The following G3BP2 variants were observed in gnomAD, a reference collection of about 807,000 sequenced individuals.
The protein encoded by G3BP2 is ras GTPase-activating protein-binding protein 2.
In G3BP2, 11 loss-of-function variants were observed where a neutral mutation model predicts 56.7. That is an observed-to-expected ratio of 0.19 (90% CI 0.12 to 0.32). G3BP2 has a LOEUF of 0.32. Among genes scored for constraint, G3BP2 ranks in the 10% least tolerant of loss-of-function variants. G3BP2 has a pLI of 1.00. For missense variants in G3BP2, 340 were observed against 610.9 expected, an observed-to-expected ratio of 0.56 and a Z score of 4.67; for synonymous variants, 165 against 191.6, an observed-to-expected ratio of 0.86 and a Z score of 1.15.
chr4:75,669,404 A>T (rs1733307947), intron 1 of G3BP2, among the ~76,000 whole-genome samples: 4 of 152,182 alleles, frequency 2.6e-5, no homozygotes, highest in Admixed American at 2.6e-4. Flanking sequence ...ACAATTCAGA[A>T]GGTGGAATTT....
chr4:75,697,905 G>C (rs771758616), intron 3 of G3BP2, among the ~76,000 whole-genome samples: 2 of 151,866 alleles, frequency 1.3e-5, no homozygotes, highest in Non-Finnish European at 2.9e-5. Context: ...CTGCACTCCA[G>C]CCTGGGCAAC....
At chr4:75,703,646 G>A (rs956808991) in intron 3 of G3BP2, among the ~76,000 whole-genome samples, 1 of 152,226 alleles carries the variant, frequency 6.6e-6, no homozygotes. Flanking sequence ...GTGAGTTTAA[G>A]ACAATGGATA....
chr4:75,694,816 T>G, intron 3 of G3BP2: 2 of 985,612 alleles, frequency 2.0e-6, no homozygotes, highest in Non-Finnish European at 2.4e-6. Context: ...AGGAAGGATT[T>G]CAGATGGCAC....
intron 5 of G3BP2, 72 bp from the exon 6 acceptor site, chr4:75,655,942 G>T: frequency 1.3e-6 from 1 of 796,114 alleles, no homozygotes; most frequent in Non-Finnish European, 2.1e-6. Flanking sequence ...TTTTTAACAT[G>T]TTTAAGGAAG....
At chr4:75,672,832 A>G (rs1733597862) in intron 1 of G3BP2, 1 of 178,514 alleles carries the variant, frequency 5.6e-6, no homozygotes, top group Non-Finnish European at 1.1e-5. Flanking sequence ...TCCCCTCCAG[A>G]AAGCCTGCTC....
chr4:75,712,597 TA>T (rs1434114934), intron 3 of G3BP2, among the ~76,000 whole-genome samples: 1 of 152,214 alleles, frequency 6.6e-6, no homozygotes, highest in Non-Finnish European at 1.5e-5. Context: ...TGTTTCTTTA[TA>T]AAGCTGAGCA....
At chr4:75,655,900 T>G (rs764977113) in intron 5 of G3BP2, 30 bp from the exon 6 acceptor site, 1 of 1,089,318 alleles carries the variant, frequency 9.2e-7, no homozygotes, top group East Asian at 2.4e-5. Context: ...CACATCTTTT[T>G]TAAAGAGGCT....
chr4:75,677,275 C>T (rs555358720), upstream of G3BP2, among the ~76,000 whole-genome samples: 4 of 152,180 alleles, frequency 2.6e-5, no homozygotes, highest in East Asian at 3.9e-4. Context: ...TAGGTGTATA[C>T]GAGATGACTA....
At chr4:75,677,478 G>A (rs1158323388), upstream of G3BP2, among the ~76,000 whole-genome samples, 2 of 152,080 alleles carry the variant, frequency 1.3e-5, no homozygotes, top group Non-Finnish European at 2.9e-5. Flanking sequence ...GGCTGAGGCA[G>A]GAGAATCACT....
intron 3 of G3BP2, among the ~76,000 whole-genome samples, chr4:75,716,489 GTTTT>G: frequency 6.9e-6 from 1 of 145,554 alleles, no homozygotes; most frequent in Middle Eastern, 4.1e-3. Context: ...TCTAGTTCTT[GTTTT>G]TTTTTGTTTT....
intron 1 of G3BP2, among the ~76,000 whole-genome samples, chr4:75,664,882 C>A (rs540720526): frequency 2.2e-4 from 33 of 151,778 alleles, no homozygotes; most frequent in Non-Finnish European, 3.8e-4. Flanking sequence ...TGCAGGCTGG[C>A]ACAGTGGATC....
Position 75,712,033 on chromosome 4 carries a change from T to G in G3BP2, c.-25+8844A>C, listed in dbSNP as rs564984474. The stretch of plus-strand genomic sequence containing the variant: ...CCTTCCATCAAAATACAACTACTGT[T>G]AGCAGATTTTGAATGTCCTCAACAC... On this transcript the variant is annotated intron_variant, in intron 3 of 3. Transcript: ENST00000499709. 6.2e-4 allele frequency among the ~76,000 whole-genome samples: 95 copies of G among 152,336 alleles called. 1 individual carries two copies. The South Asian group carries it at 0.012, about 20-fold the overall frequency.
intron 3 of G3BP2, among the ~76,000 whole-genome samples, chr4:75,717,831 C>T (rs999835003): frequency 6.6e-6 from 1 of 151,912 alleles, no homozygotes; most frequent in Non-Finnish European, 1.5e-5. Flanking sequence ...ACTTGTCCCT[C>T]GATAAACAGT....
intron 3 of G3BP2, among the ~76,000 whole-genome samples, chr4:75,708,072 C>T (rs1000247700): frequency 1.3e-5 from 2 of 152,138 alleles, no homozygotes; most frequent in Admixed American, 6.5e-5. Flanking sequence ...TTGCCCTCTG[C>T]TAGAGGGATA....
chr4:75,698,116 A>G (rs987838001), intron 3 of G3BP2, among the ~76,000 whole-genome samples: 1 of 152,172 alleles, frequency 6.6e-6, no homozygotes, highest in Non-Finnish European at 1.5e-5. Context: ...ACAAAAAGGG[A>G]CTTTGCAGCT....
chr4:75,703,288 T>A (rs957846120), intron 3 of G3BP2, among the ~76,000 whole-genome samples: 1 of 152,146 alleles, frequency 6.6e-6, no homozygotes, highest in African/African-American at 2.4e-5. Flanking sequence ...GCTTAAACAG[T>A]GTCTGCACCA....
intron 1 of G3BP2, among the ~76,000 whole-genome samples, chr4:75,666,246 A>G (rs911467507): frequency 3.3e-5 from 5 of 152,208 alleles, no homozygotes; most frequent in Admixed American, 2.0e-4. Flanking sequence ...AGTAGAAGTA[A>G]TATTTGATTA....
chr4:75,707,309 G>C (rs1322148457), intron 3 of G3BP2, among the ~76,000 whole-genome samples: 3 of 151,790 alleles, frequency 2.0e-5, no homozygotes, highest in African/African-American at 7.3e-5. Context: ...AAATTGACCT[G>C]AGATAATGTC....
chr4:75,661,639 C>T, intron 2 of G3BP2: 1 of 205,528 alleles, frequency 4.9e-6, no homozygotes, highest in South Asian at 8.3e-5. Context: ...CCCTGAGTGA[C>T]AGAGGAGACC....
Sources: gnomAD v4.1 joint callset for allele counts (sites outside exome capture counted in the v4.1 genomes callset) on GRCh38, gnomAD v4.1.1 for gene constraint, MANE v1.5 for transcripts, NCBI Gene and HGNC (gene_info 2026-07-23, HGNC 2026-07-21) for gene names.